Variants in MRE11 observed in about 807,000 individuals in gnomAD.
MRE11 encodes MRE11 double strand break repair nuclease, also known as double-strand break repair protein MRE11.
In MRE11, 62 loss-of-function variants were observed where a neutral mutation model predicts 91.7. The ratio of observed to expected loss-of-function variants is 0.68; its 90% CI spans 0.55 to 0.84. MRE11 has a LOEUF of 0.84. Ranked by LOEUF, MRE11 falls within the 40% of genes least tolerant of loss-of-function variation. The pLI is 0.00. For synonymous variants in MRE11, 273 were observed against 271.4 expected (o/e 1.01, Z -0.06); for missense variants, 796 against 852.9 (o/e 0.93, Z 0.83).
At chr11:94,429,713 C>T (rs1945411840) in intron 19 of MRE11, among the ~76,000 whole-genome samples, 198 bp downstream of exon 19, 2 of 152,148 alleles carry the variant, frequency 1.3e-5, no homozygotes, top group Non-Finnish European at 2.9e-5. Flanking sequence ...GCCTACTGCT[C>T]ACTACCTGGG....
At chr11:94,487,427 G>A (rs904090969) in intron 3 of MRE11, among the ~76,000 whole-genome samples, 2 of 152,150 alleles carry the variant, frequency 1.3e-5, no homozygotes, top group Non-Finnish European at 2.9e-5. Context: ...TAGCCAATTT[G>A]AGGAAGATTC....
intron 13 of MRE11, among the ~76,000 whole-genome samples, chr11:94,458,095 T>C (rs905122540): frequency 6.6e-6 from 1 of 152,162 alleles, no homozygotes; most frequent in Non-Finnish European, 1.5e-5. Context: ...CTGGAAGTAC[T>C]TGGTATTAAA....
intron 18 of MRE11, among the ~76,000 whole-genome samples, chr11:94,434,280 T>G (rs1945539541): frequency 6.6e-6 from 1 of 152,122 alleles, no homozygotes; most frequent in Non-Finnish European, 1.5e-5. Context: ...ACATTAACCT[T>G]TAAGTCACAT....
At position 94,485,106 on chromosome 11, in the gene MRE11, ACCTGTAATCCCAACTACTCG is replaced by A. The variant is rs569209383; in HGVS notation, c.314+798_314+817del. ...TGGGCGCCTGTAATCCCAGCTACTC[ACCTGTAATCCCAACTACTCG>A]CCTGTAATCCCAGCTACTCAGGAGG... On this transcript the variant is annotated intron_variant, in intron 4 of 19. Coordinates refer to ENST00000323929, the MANE Select transcript of MRE11 (RefSeq NM_005591.4). 7.0e-3 allele frequency among the ~76,000 whole-genome samples: 1,069 copies of A among 151,916 alleles called. 6 individuals carry two copies. Among genetic ancestry groups the A allele is most frequent in the South Asian group, 0.02 (95 of 4,794 alleles).
chr11:94,460,650 T>TA (rs1946390074), intron 12 of MRE11, among the ~76,000 whole-genome samples: 1 of 152,212 alleles, frequency 6.6e-6, no homozygotes. Context: ...TGATTTAAGT[T>TA]AAAATTATTC....
intron 2 of MRE11, among the ~76,000 whole-genome samples, chr11:94,491,568 A>T (rs554144569): frequency 1.3e-5 from 2 of 152,318 alleles, no homozygotes; most frequent in Admixed American, 6.5e-5. Context: ...ACTAAATTTA[A>T]TTGTATGAAA....
At chr11:94,508,476 C>T in the MRE11 span, among the ~76,000 whole-genome samples, 2 of 152,072 alleles carry the variant, frequency 1.3e-5, no homozygotes, top group African/African-American at 4.8e-5. Flanking sequence ...AGTTCATTTT[C>T]CTATATTAAT....
chr11:94,508,328 T>C, the MRE11 span, among the ~76,000 whole-genome samples: 2 of 152,186 alleles, frequency 1.3e-5, no homozygotes, highest in Non-Finnish European at 2.9e-5. Context: ...GTTTAAAAAG[T>C]AGTTGTCTAC....
At chr11:94,489,169 G>A (rs1419577272) in intron 3 of MRE11, among the ~76,000 whole-genome samples, 2 of 151,988 alleles carry the variant, frequency 1.3e-5, no homozygotes, top group African/African-American at 4.8e-5. Flanking sequence ...AAAAAGCAGA[G>A]TAATGTGATA....
In MRE11 at chr11:94,447,100, T is replaced by G. The variant is rs13447695; in HGVS notation, c.1783+119A>C. The G allele has an allele frequency of 0.047, 50,869 of 1,085,476 alleles. 1,539 individuals carry two copies. Among genetic ancestry groups the G allele is most frequent in the South Asian group, 0.09 (6,880 of 76,506 alleles). The allele number at this position is 1,085,476 out of a possible 1,614,324, so 67.2% of individuals were successfully genotyped here. ...TGTCTTTATATATTATAAAAATAGA[T>G]TTTTAAAGAACCGTGTTTTAGAAAT... On this transcript the variant is annotated intron_variant, in intron 15 of 19. Transcript: ENST00000323929.
At chr11:94,446,564 T>G (rs1467104847) in intron 15 of MRE11, among the ~76,000 whole-genome samples, 1 of 152,206 alleles carries the variant, frequency 6.6e-6, no homozygotes, top group Non-Finnish European at 1.5e-5. Context: ...AAAATTCCTA[T>G]GGATGCATAT....
At chr11:94,478,630 A>C (rs1946934076) in intron 6 of MRE11, 105 bp downstream of exon 6, 1 of 1,323,930 alleles carries the variant, frequency 7.6e-7, no homozygotes, top group Non-Finnish European at 1.1e-6. Flanking sequence ...AATAAAGAAT[A>C]AGGTTTGCCC....
At chr11:94,500,689 A>G in the MRE11 span, among the ~76,000 whole-genome samples, 1 of 152,196 alleles carries the variant, frequency 6.6e-6, no homozygotes, top group African/African-American at 2.4e-5. Flanking sequence ...CCTAAAGTGG[A>G]ACTAGTTGCC....
chr11:94,509,121 C>A, the MRE11 span, among the ~76,000 whole-genome samples: 1 of 152,104 alleles, frequency 6.6e-6, no homozygotes, highest in Non-Finnish European at 1.5e-5. Context: ...ATTTCTAGAT[C>A]TAGTTGAGGA....
At chr11:94,472,423 T>C (rs1380373565) in intron 7 of MRE11, among the ~76,000 whole-genome samples, 1 of 152,070 alleles carries the variant, frequency 6.6e-6, no homozygotes, top group Admixed American at 6.6e-5. Context: ...AAGCATTCAT[T>C]TAATCCAAAC....
chr11:94,446,270 G>A (rs1227634086), intron 15 of MRE11, among the ~76,000 whole-genome samples: 5 of 152,176 alleles, frequency 3.3e-5, no homozygotes, highest in African/African-American at 9.7e-5. Context: ...TAACTGGCAT[G>A]ATGATGGGCC....
Position 94,418,051 on chromosome 11 carries a change from A to C in MRE11, c.*2074T>G, listed in dbSNP as rs1945072507. 2 of 233,126 alleles carry C rather than the reference A, an allele frequency of 8.6e-6. No homozygotes were observed. Among genetic ancestry groups the C allele is most frequent in the East Asian group, 6.1e-5 (1 of 16,518 alleles). 14.4% of individuals were successfully genotyped at this position (233,126 alleles called of 1,614,324 possible). A position where few individuals can be genotyped will look rare whatever the true frequency, so the allele number is the denominator to read the frequency against. ...CCAAGAGCAAATGCAGCTGCTTTCA[A>C]ATCATCTGAAAGACTTCTACATTCC... On this transcript the variant is annotated 3_prime_UTR_variant, in exon 20 of 20. Transcript: ENST00000323929.
intron 19 of MRE11, among the ~76,000 whole-genome samples, chr11:94,428,536 G>T (rs1945382345): frequency 6.6e-6 from 1 of 152,146 alleles, no homozygotes; most frequent in South Asian, 2.1e-4. Flanking sequence ...AAATGGACAA[G>T]TAGGACCTCA....
At chr11:94,500,363 A>G in the MRE11 span, among the ~76,000 whole-genome samples, 2 of 152,210 alleles carry the variant, frequency 1.3e-5, no homozygotes. Flanking sequence ...TACACATAAG[A>G]CAAATCCCAC....
Sources: gnomAD v4.1 joint callset for allele counts (sites outside exome capture counted in the v4.1 genomes callset) on GRCh38, gnomAD v4.1.1 for gene constraint, MANE v1.5 for transcripts, NCBI Gene and HGNC (gene_info 2026-07-23, HGNC 2026-07-21) for gene names.